Variants in ZNF512B observed in about 807,000 individuals in gnomAD.
ZNF512B encodes the protein zinc finger protein 512B.
In ZNF512B, 22 loss-of-function variants were observed where a neutral mutation model predicts 87.8. The ratio of observed to expected loss-of-function variants is 0.25; its 90% confidence interval spans 0.18 to 0.36. The LOEUF (loss-of-function observed/expected upper bound fraction) is 0.36, where lower values mean the gene tolerates loss of function less well. ZNF512B is among the 10% of genes least tolerant of loss of function. The pLI is 1.00. For missense variants in ZNF512B, 1,060 were observed against 1,231.6 expected, an observed-to-expected ratio of 0.86 and a Z score of 2.09; for synonymous variants, 524 against 490.9, an observed-to-expected ratio of 1.07 and a Z score of -0.89.
intron 2 of ZNF512B, 120 bp downstream of exon 2, chr20:63,967,710 C>T (rs894845772): frequency 3.5e-5 from 53 of 1,511,794 alleles, no homozygotes; most frequent in Non-Finnish European, 4.4e-5. Flanking sequence ...TGGTAAGGTC[C>T]TTGGGAACTC....
chr20:63,967,851 G>A lies in ZNF512B; in HGVS notation c.100C>T (p.Leu34=). 6.2e-7 allele frequency: 1 copy of A among 1,613,296 alleles called. No homozygotes were observed. Among genetic ancestry groups the A allele is most frequent in the Non-Finnish European group, 8.5e-7 (1 of 1,179,810 alleles). Residue 34 remains leucine, a synonymous_variant, in exon 2 of 17, where the codon CTG becomes TTG. Coordinates refer to ENST00000369888, the MANE Select transcript of ZNF512B (RefSeq NM_020713.3). Reference sequence around the variant, plus strand: ...TTACCCATCTTCGGTGGGTCATGCAGCATTGGAAGTCGGACCTCCTTTCGG... The same window carrying A: ...TTACCCATCTTCGGTGGGTCATGCAACATTGGAAGTCGGACCTCCTTTCGG... ...GSRKEVRLPM[L]HDPPKMGMPV...
At position 63,959,769 on chromosome 20, in the gene ZNF512B, CG is replaced by C. The variant is rs2058828894; in HGVS notation, c.*118del. ...GAGAGTGGCTGGCTGCCCCACTGGACGGATGAAGAGGCGGGGGTGGGGGATG... is the reference window on the plus strand; with the variant it reads ...GAGAGTGGCTGGCTGCCCCACTGGACGATGAAGAGGCGGGGGTGGGGGATG... On this transcript the variant is annotated 3_prime_UTR_variant, in exon 17 of 17. Transcript: ENST00000369888. The C allele has an allele frequency of 7.2e-7, 1 of 1,379,838 alleles. No homozygotes were observed. The highest frequency in any genetic ancestry group is 1.5e-5 in the South Asian group (1 of 67,478). The allele number at this position is 1,379,838 out of a possible 1,614,324, so 85.5% of individuals were successfully genotyped here.
intron 1 of ZNF512B, among the ~76,000 whole-genome samples, 161 bp downstream of exon 1, chr20:63,969,653 A>G (rs1204128711): frequency 7.4e-6 from 1 of 135,012 alleles, no homozygotes; most frequent in Non-Finnish European, 1.6e-5. Flanking sequence ...AGGAGGCAGG[A>G]AGACGGCGCC....
chr20:63,965,051 TTCC>T (rs2058909008), intron 5 of ZNF512B, among the ~76,000 whole-genome samples: 1 of 17,684 alleles, frequency 5.7e-5, no homozygotes. Flanking sequence ...CTCACCACTG[TTCC>T]TCCCCGACCT....
rs371730616 is a variant in ZNF512B, at chr20:63,966,428, G to C, written c.747C>G (p.Thr249=). The C allele has an allele frequency of 8.7e-5, 141 of 1,614,066 alleles. No individual in the cohort carries two copies. In the African/African-American group the frequency reaches 1.7e-3, roughly 19 times the overall value. Residue 249 remains threonine (T), a synonymous_variant, in exon 5 of 17, where the codon ACC becomes ACG. Coordinates refer to ENST00000369888, the MANE Select transcript of ZNF512B (RefSeq NM_020713.3). ...TGGGTTTGGTGACCGGCATGGCCTT[G>C]GTGACGGGCATGGGCCTGCTGACTG... ...PVTVSRPMPV[T]KAMPVTKPIT... is the part of the protein sequence containing the mutation.
intron 12 of ZNF512B, 94 bp downstream of exon 12, chr20:63,963,001 G>A (rs546792936): frequency 5.9e-4 from 840 of 1,413,314 alleles, no homozygotes; most frequent in Middle Eastern, 2.4e-3. Flanking sequence ...CGCGTTGGGC[G>A]GTACATGGAC....
In ZNF512B at chr20:63,964,522, G is replaced by A. The variant is rs199867010; in HGVS notation, c.1229C>T (p.Pro410Leu). The A allele has an allele frequency of 1.7e-5, 28 of 1,612,640 alleles. No individual in the cohort carries two copies. The highest frequency in any genetic ancestry group is 2.2e-5 in the East Asian group (1 of 44,876). Residue 410 changes from proline (P) to leucine (L), a missense_variant, in exon 6 of 17, where the codon CCG becomes CTG. By Grantham distance (98) the Pro-to-Leu change is moderately conservative (BLOSUM62 -3). Transcript: ENST00000369888. ...TGTGCGCTCCGGGTCCTCCTCAGGC[G>A]GGGACGCAGGGCCTGCAGCCTTCAG... ...EALKAAGPAS[P>L]PEEDPERTKH...
chr20:63,967,317 G>T, intron 3 of ZNF512B, 64 bp downstream of exon 3: 1 of 1,533,220 alleles, frequency 6.5e-7, no homozygotes. Context: ...ACAAATCAGG[G>T]CAGGGCAGTG....
In ZNF512B at chr20:63,962,800, T is replaced by C. The variant is rs774705405; in HGVS notation, c.1969-19A>G. 9 of 1,583,638 alleles carry C rather than the reference T, an allele frequency of 5.7e-6. No individual in the cohort carries two copies. The highest frequency in any genetic ancestry group is 2.3e-5 in the East Asian group (1 of 44,202). On this transcript the variant is annotated intron_variant, in intron 12 of 16. Coordinates refer to ENST00000369888, the MANE Select transcript of ZNF512B (RefSeq NM_020713.3). ...CAGGGGGCTGGAGGGCAGGAAGGCA[T>C]GGAGGCTAGAGTGAGCCGCGGGAGC...
Position 63,961,469 on chromosome 20 carries a change from C to G in ZNF512B, c.2329-62G>C, listed in dbSNP as rs2058850086. 1.3e-6 allele frequency: 2 copies of G among 1,486,034 alleles called. No individual in the cohort carries two copies. The highest frequency in any genetic ancestry group is 2.3e-5 in the South Asian group (2 of 88,546). 92.1% of individuals were successfully genotyped at this position (1,486,034 alleles called of 1,614,324 possible). On this transcript the variant is annotated intron_variant, in intron 15 of 16. Coordinates refer to ENST00000369888, the MANE Select transcript of ZNF512B (RefSeq NM_020713.3). The surrounding 1 kb of genome is among the most constrained non-coding windows in gnomAD (Gnocchi z 6.4). ...GAGGACCCAGATCTGTCCTAAGCCC[C>G]TACTCATGGCTAAAGGGTCAGAGTC...
chr20:63,968,255 G>A (rs186802221), intron 1 of ZNF512B, among the ~76,000 whole-genome samples: 62 of 152,320 alleles, frequency 4.1e-4, no homozygotes, highest in African/African-American at 1.4e-3. Flanking sequence ...TACAGTGTAC[G>A]CAGCTCCACA....
intron 14 of ZNF512B, 131 bp downstream of exon 14, chr20:63,962,142 G>C (rs755524313): frequency 3.9e-6 from 5 of 1,280,908 alleles, no homozygotes; most frequent in African/African-American, 1.5e-5. Flanking sequence ...GGGCAGGCTG[G>C]GCATGTGAGG....
intron 2 of ZNF512B, 115 bp downstream of exon 2, chr20:63,967,715 G>GA: frequency 6.6e-7 from 1 of 1,512,846 alleles, no homozygotes; most frequent in Non-Finnish European, 8.9e-7. Flanking sequence ...AGGTCCTTGG[G>GA]AACTCTAGGG....
chr20:63,963,728 G>A lies in ZNF512B; in HGVS notation c.1606-18C>T. On this transcript the variant is annotated intron_variant, in intron 9 of 16. Coordinates refer to ENST00000369888, the MANE Select transcript of ZNF512B (RefSeq NM_020713.3). ...TCCTGAAGCTGCAGATGGCCCACAT[G>A]TGAGAAGCCTGCCTGGGGCCAGGGC... The A allele has an allele frequency of 6.2e-7, 1 of 1,613,210 alleles. No individual in the cohort carries two copies.
rs1295521463 is a variant in ZNF512B, at chr20:63,967,529, G to A, written c.122-6C>T. On this transcript the variant is annotated splice_region_variant and splice_polypyrimidine_tract_variant and intron_variant, in intron 2 of 16. Transcript: ENST00000369888. ...ACCACGGACCACCGGCATCCCTGCA[G>A]CACACAACACAGCAAGGCTCGGAAG... 2.5e-6 allele frequency: 4 copies of A among 1,593,906 alleles called. No individual in the cohort carries two copies. The East Asian group carries it at 9.0e-5, about 36-fold the overall frequency.
At chr20:63,968,710 G>C (rs2058952187) in intron 1 of ZNF512B, among the ~76,000 whole-genome samples, 1 of 152,302 alleles carries the variant, frequency 6.6e-6, no homozygotes, top group South Asian at 2.1e-4. Flanking sequence ...CCTCTCTCTG[G>C]ATCCTCTCAG....
chr20:63,969,584 G>T (rs1387283198), intron 1 of ZNF512B, among the ~76,000 whole-genome samples: 1 of 147,940 alleles, frequency 6.8e-6, no homozygotes, highest in Admixed American at 6.7e-5. Flanking sequence ...GGCCGATCGC[G>T]GGCGCGGGGT....
Position 63,964,741 on chromosome 20 carries a change from G to C in ZNF512B, c.1035-25C>G, listed in dbSNP as rs373155501. The C allele has an allele frequency of 2.5e-6, 4 of 1,604,760 alleles. No individual in the cohort carries two copies. In the East Asian group the frequency reaches 8.9e-5, roughly 36 times the overall value. ...CCTGCAGGGAGCAGGTGAGGTGAGG[G>C]CCAGGAGGGCCTAACTGTGGGCCCC... On this transcript the variant is annotated intron_variant, in intron 5 of 16. Transcript: ENST00000369888.
intron 1 of ZNF512B, 60 bp downstream of exon 1, chr20:63,969,754 G>T: frequency 6.9e-6 from 1 of 144,354 alleles, no homozygotes. Flanking sequence ...TCGAGATCCG[G>T]GGCGCGGTGG....
Sources: gnomAD v4.1 joint callset for allele counts (sites outside exome capture counted in the v4.1 genomes callset) on GRCh38, gnomAD v4.1.1 for gene constraint, Gnocchi (gnomAD v3.1) non-coding constraint, MANE v1.5 for transcripts, NCBI Gene and HGNC (gene_info 2026-07-23, HGNC 2026-07-21) for gene names.